PCDHGA5: variants seen among roughly 807,000 people sequenced by gnomAD.
PCDHGA5 encodes the protein protocadherin gamma-A5.
In PCDHGA5, 36 loss-of-function variants were observed where a neutral mutation model predicts 56.7. The observed-to-expected ratio is 0.64, with a 90% confidence interval of 0.49 to 0.84. The LOEUF is 0.84. Ranked by LOEUF, PCDHGA5 falls within the 40% of genes least tolerant of loss-of-function variation. The probability of loss-of-function intolerance (pLI) is 0.00; values close to 1 mark genes in which losing one functional copy is unlikely to be tolerated. For synonymous variants in PCDHGA5, 563 were observed against 520.2 expected (o/e 1.08, Z -1.12); for missense variants, 1,305 against 1,201.5 (o/e 1.09, Z -1.27).
In PCDHGA5 at chr5:141,512,237, G is replaced by A. The variant is rs2099884134; in HGVS notation, c.*1064G>A. ...AGGACCAGGTCCCCTTGAGAGGTCA[G>A]AGGGGCCTCTGTGGGTGCTGGGTAC... On this transcript the variant is annotated 3_prime_UTR_variant, in exon 4 of 4. Transcript: ENST00000518069. 1 of 152,774 alleles carries A rather than the reference G, an allele frequency of 6.5e-6. No homozygotes were observed. The highest frequency in any genetic ancestry group is 1.5e-5 in the Non-Finnish European group (1 of 68,148). The allele number at this position is 152,774 out of a possible 1,614,324, so 9.5% of individuals were successfully genotyped here.
chr5:141,365,470 T>C lies in PCDHGA5; in HGVS notation c.1140T>C (p.Gly380=). Residue 380 remains glycine, a synonymous_variant, in exon 1 of 4, where the codon GGT becomes GGC. Transcript: ENST00000518069. ...ATGATGGTGATTCTGGAGAAAATGG[T>C]GAGATTGCATGCTCTATTCCTAGGA... ...SVHDGDSGEN[G]EIACSIPRNL... is the part of the protein sequence containing the mutation. 6.2e-7 allele frequency: 1 copy of C among 1,614,034 alleles called. No individual in the cohort carries two copies. The highest frequency in any genetic ancestry group is 1.1e-5 in the South Asian group (1 of 91,088).
chr5:141,419,065 C>G (rs763008753), intron 1 of PCDHGA5: 2 of 1,613,786 alleles, frequency 1.2e-6, no homozygotes, highest in South Asian at 2.2e-5. Context: ...ATAATTACTA[C>G]AAGCTAGTAA....
chr5:141,384,443 A>G, intron 1 of PCDHGA5: 1 of 1,614,030 alleles, frequency 6.2e-7, no homozygotes, highest in Non-Finnish European at 8.5e-7. Flanking sequence ...GGAGTCCTGT[A>G]CGCGCTGCAA....
rs539372561 is a variant in PCDHGA5, at chr5:141,379,222, GT to G, written c.2421+12476del. On this transcript the variant is annotated intron_variant, in intron 1 of 3. Coordinates refer to ENST00000518069, the MANE Select transcript of PCDHGA5 (RefSeq NM_018918.3). ...AAATAAGCTGCTAAGAGTAATATGT[GT>G]TTTTCTGAACCAATATTGTGGTATT... 26 of 152,080 alleles carry G rather than the reference GT, an allele frequency of 1.7e-4. 1 individual carries two copies. The highest frequency in any genetic ancestry group is 3.1e-4 in the Non-Finnish European group (21 of 67,992). The allele number at this position is 152,080 out of a possible 1,614,324, so 9.4% of individuals were successfully genotyped here. A position where few individuals can be genotyped will look rare whatever the true frequency, so the allele number is the denominator to read the frequency against.
At chr5:141,480,649 C>A (rs2099522804) in intron 1 of PCDHGA5, among the ~76,000 whole-genome samples, 1 of 152,184 alleles carries the variant, frequency 6.6e-6, no homozygotes, top group Non-Finnish European at 1.5e-5. Flanking sequence ...AACTTGGTTG[C>A]ACATTAAAAT....
In PCDHGA5 at chr5:141,485,507, G is replaced by A. The variant is rs766643911; in HGVS notation, c.2422-9300G>A. 6.8e-6 allele frequency: 11 copies of A among 1,614,174 alleles called. No homozygotes were observed. Among genetic ancestry groups the A allele is most frequent in the Non-Finnish European group, 8.5e-6 (10 of 1,180,036 alleles). ...CGTGCCCCTGGAGTTTGTCACCGAA[G>A]GTCCTTTGGAAATGTACCGAGCAGA... On this transcript the variant is annotated intron_variant, in intron 1 of 3. Transcript: ENST00000518069. The surrounding 1 kb of genome is among the most constrained non-coding windows in gnomAD (Gnocchi z 5.7).
Position 141,490,089 on chromosome 5 carries a change from C to G in PCDHGA5, c.2422-4718C>G. On this transcript the variant is annotated intron_variant, in intron 1 of 3. Transcript: ENST00000518069. This position sits in a 1 kb window ranked among gnomAD's most constrained non-coding sequence, Gnocchi z 5.4. ...GCCAACTAGACTATTCTTTTGGAGACCACACATCTGAGGCAGTGCGGAACC... is the reference window on the plus strand; with the variant it reads ...GCCAACTAGACTATTCTTTTGGAGAGCACACATCTGAGGCAGTGCGGAACC... 1 of 1,614,232 alleles carries G rather than the reference C, an allele frequency of 6.2e-7. No homozygotes were observed. The highest frequency in any genetic ancestry group is 8.5e-7 in the Non-Finnish European group (1 of 1,180,026).
chr5:141,481,733 C>A (rs2099543522), intron 1 of PCDHGA5, among the ~76,000 whole-genome samples: 1 of 152,078 alleles, frequency 6.6e-6, no homozygotes, highest in Admixed American at 6.6e-5. Context: ...GCGGGCGGAT[C>A]ACGAGGTCAG....
rs1179408656 is a variant in PCDHGA5, at chr5:141,395,537, A to ATTGT, written c.2421+28791_2421+28794dup. 1,010 of 243,944 alleles carry ATTGT rather than the reference A, an allele frequency of 4.1e-3. 17 individuals are homozygous for ATTGT. In the African/African-American group the frequency reaches 0.049, roughly 12 times the overall value. The allele number at this position is 243,944 out of a possible 1,614,324, so 15.1% of individuals were successfully genotyped here. On this transcript the variant is annotated intron_variant, in intron 1 of 3. Coordinates refer to ENST00000518069, the MANE Select transcript of PCDHGA5 (RefSeq NM_018918.3). ...ACCCGTCCATACTGGTAATTTTGCT[A>ATTGT]TTGTTTGTGTGTGTGTGTGTGTGTG... is the stretch of plus-strand genomic sequence containing the variant.
intron 1 of PCDHGA5, among the ~76,000 whole-genome samples, chr5:141,469,923 G>A (rs1251812588): frequency 1.3e-5 from 2 of 152,200 alleles, no homozygotes; most frequent in Non-Finnish European, 2.9e-5. Flanking sequence ...CCGAGGTCAG[G>A]AGTTTGAGAC....
intron 1 of PCDHGA5, among the ~76,000 whole-genome samples, chr5:141,455,201 CAATAAGAGTTTTT>C (rs1373301624): frequency 6.6e-6 from 1 of 151,722 alleles, no homozygotes; most frequent in Non-Finnish European, 1.5e-5. Flanking sequence ...AATTTACAAC[CAATAAGAGTTTTT>C]AATGCTTTGA....
intron 1 of PCDHGA5, chr5:141,374,039 G>T (rs187674758): frequency 5.9e-5 from 86 of 1,456,944 alleles, no homozygotes; most frequent in Middle Eastern, 2.5e-4. Context: ...ATGCAGATCT[G>T]TTCTTCCTCT....
chr5:141,509,068 G>T (rs1267011061), intron 3 of PCDHGA5, among the ~76,000 whole-genome samples: 1 of 152,144 alleles, frequency 6.6e-6, no homozygotes, highest in Non-Finnish European at 1.5e-5. Context: ...TCTCAGCTCC[G>T]GGGATTTGCG....
intron 1 of PCDHGA5, chr5:141,374,885 G>A (rs753304716): frequency 9.3e-6 from 15 of 1,613,516 alleles, no homozygotes; most frequent in South Asian, 1.1e-5. Flanking sequence ...GACTGCCACC[G>A]ACCAGGATGA....
At chr5:141,450,836 T>A (rs991599340) in intron 1 of PCDHGA5, among the ~76,000 whole-genome samples, 2 of 149,760 alleles carry the variant, frequency 1.3e-5, no homozygotes, top group African/African-American at 4.9e-5. Flanking sequence ...ATTATTTTTT[T>A]TTTTTTGAGA....
chr5:141,488,196 TA>T, intron 1 of PCDHGA5, among the ~76,000 whole-genome samples: 1 of 152,186 alleles, frequency 6.6e-6, no homozygotes, highest in Non-Finnish European at 1.5e-5. Context: ...GTCTGGGTCT[TA>T]GGACTCATAT....
chr5:141,380,369 A>G (rs1776432009), intron 1 of PCDHGA5, among the ~76,000 whole-genome samples: 1 of 152,238 alleles, frequency 6.6e-6, no homozygotes, highest in Non-Finnish European at 1.5e-5. Context: ...TAGAAAAAAA[A>G]GTCCCAAAAA....
chr5:141,475,705 A>G (rs2099367264), intron 1 of PCDHGA5, among the ~76,000 whole-genome samples: 1 of 152,246 alleles, frequency 6.6e-6, no homozygotes. Flanking sequence ...CAGAACGGCT[A>G]GCCTCACAGC....
intron 1 of PCDHGA5, chr5:141,478,935 A>G: frequency 1.6e-6 from 1 of 638,574 alleles, no homozygotes. Flanking sequence ...GGCAGCTTCT[A>G]GGAATACAAA....
Sources: gnomAD v4.1 joint callset for allele counts (sites outside exome capture counted in the v4.1 genomes callset) on GRCh38, gnomAD v4.1.1 for gene constraint, Gnocchi (gnomAD v3.1) non-coding constraint, MANE v1.5 for transcripts, NCBI Gene and HGNC (gene_info 2026-07-23, HGNC 2026-07-21) for gene names.